Variants in STK3 observed in about 807,000 individuals in gnomAD.
STK3 encodes serine/threonine-protein kinase 3.
STK3 carries 41 observed loss-of-function variants against 58.0 expected under a neutral mutation model. The observed-to-expected ratio is 0.71, with a 90% confidence interval of 0.55 to 0.92. The LOEUF (loss-of-function observed/expected upper bound fraction) is 0.92, where lower values mean the gene tolerates loss of function less well. STK3 is among the 40% of genes least tolerant of loss of function. STK3 has a pLI of 0.00. For missense variants in STK3, 479 were observed against 602.7 expected (o/e 0.79, Z 2.15); for synonymous variants, 170 against 191.0 (o/e 0.89, Z 0.91).
At chr8:98,544,113 T>C (rs898132806) in intron 9 of STK3, among the ~76,000 whole-genome samples, 4 of 151,176 alleles carry the variant, frequency 2.6e-5, no homozygotes, top group Admixed American at 6.6e-5. Context: ...AGCAACGAAA[T>C]AATGAAATAT....
intron 8 of STK3, among the ~76,000 whole-genome samples, chr8:98,561,034 CAAAAAAGAAAAGAAAAG>C (rs903449210): frequency 1.3e-5 from 2 of 151,316 alleles, no homozygotes; most frequent in African/African-American, 4.9e-5. Context: ...ATGCCGTGTC[CAAAAAAGAAAAGAAAAG>C]GAAAAAGAAA....
chr8:98,862,673 C>T lies in STK3; in HGVS notation c.110+20974G>A, dbSNP rs557455673. Among the ~76,000 whole-genome samples the T allele has an allele frequency of 3.3e-5, 5 of 152,256 alleles. No individual in the cohort carries two copies. The South Asian group carries it at 6.2e-4, about 19-fold the overall frequency. ...CAGTCAATGCAATTTCAAGCTCATG[C>T]GATTTTAGTTCATGCAATCATTTGA... On this transcript the variant is annotated intron_variant, in intron 3 of 12. Coordinates refer to the STK3 transcript ENST00000523601.
At chr8:98,929,513 G>A (rs1382508357) in intron 1 of STK3, among the ~76,000 whole-genome samples, 1 of 152,142 alleles carries the variant, frequency 6.6e-6, no homozygotes, top group East Asian at 1.9e-4. Context: ...AGCTGAGTGT[G>A]GTGGTGCACC....
At chr8:98,446,426 G>A (rs992455667) in intron 1 of STK3, among the ~76,000 whole-genome samples, 4 of 152,160 alleles carry the variant, frequency 2.6e-5, no homozygotes, top group Non-Finnish European at 4.4e-5. Context: ...GGTACTCATG[G>A]GTGCCAGGTA....
chr8:98,469,378 G>A (rs1389109709), intron 10 of STK3, among the ~76,000 whole-genome samples: 2 of 152,128 alleles, frequency 1.3e-5, no homozygotes, highest in African/African-American at 2.4e-5. Flanking sequence ...TGCAAAATGA[G>A]TGTGTTCCCA....
chr8:98,587,673 G>A (rs1034779994), intron 7 of STK3, among the ~76,000 whole-genome samples: 2 of 152,018 alleles, frequency 1.3e-5, no homozygotes, highest in African/African-American at 4.8e-5. Context: ...CTGTCTCGTT[G>A]ATCTGTCTAA....
At chr8:98,863,589 G>T (rs1812137806) in intron 3 of STK3, among the ~76,000 whole-genome samples, 1 of 152,024 alleles carries the variant, frequency 6.6e-6, no homozygotes, top group African/African-American at 2.4e-5. Flanking sequence ...CTGTGTGGTT[G>T]ATTAAAAAAT....
At chr8:98,679,638 G>C (rs932313857) in intron 6 of STK3, among the ~76,000 whole-genome samples, 3 of 152,098 alleles carry the variant, frequency 2.0e-5, no homozygotes, top group Admixed American at 2.0e-4. Flanking sequence ...ACCTAGAATA[G>C]TCCCAAGCAC....
At chr8:98,729,681 T>C (rs1828033961) in intron 4 of STK3, among the ~76,000 whole-genome samples, 1 of 152,190 alleles carries the variant, frequency 6.6e-6, no homozygotes. Context: ...CAAATATATA[T>C]AGGGCCACTT....
At chr8:98,780,542 C>T (rs1349994497) in intron 1 of STK3, among the ~76,000 whole-genome samples, 1 of 151,970 alleles carries the variant, frequency 6.6e-6, no homozygotes, top group Non-Finnish European at 1.5e-5. Flanking sequence ...ATTTTGACTT[C>T]ACTTATAAGC....
downstream of STK3, chr8:98,879,809 A>T (rs1837726363): frequency 6.6e-6 from 1 of 152,262 alleles, no homozygotes; most frequent in African/African-American, 2.4e-5. Flanking sequence ...AAAAAAGATT[A>T]AATCAATAAC....
chr8:98,446,550 C>G (rs1331234814), intron 1 of STK3, among the ~76,000 whole-genome samples: 4 of 152,030 alleles, frequency 2.6e-5, no homozygotes, highest in Non-Finnish European at 5.9e-5. Flanking sequence ...CAAATCAAAA[C>G]CACTGAGATA....
chr8:98,799,234 T>G lies in STK3; in HGVS notation c.27-24415A>C, dbSNP rs568472498. On this transcript the variant is annotated intron_variant, in intron 1 of 10. Transcript: ENST00000419617. ...AAGCAATCATTTTTAAACATTAGTA[T>G]TACATGCAGTGCAAAAACCCAAAGT... Among the ~76,000 whole-genome samples, 17 of 152,216 alleles carry G rather than the reference T, an allele frequency of 1.1e-4. 1 individual carries two copies. The South Asian group carries it at 1.9e-3, about 17-fold the overall frequency.
At chr8:98,875,055 C>A (rs1266472584) in intron 3 of STK3, among the ~76,000 whole-genome samples, 1 of 152,152 alleles carries the variant, frequency 6.6e-6, no homozygotes, top group African/African-American at 2.4e-5. Flanking sequence ...ACATATTTTT[C>A]TGAATAAATA....
chr8:98,474,185 T>C (rs1349228637), intron 10 of STK3, among the ~76,000 whole-genome samples: 2 of 152,158 alleles, frequency 1.3e-5, no homozygotes, highest in Non-Finnish European at 1.5e-5. Flanking sequence ...TCTGCTGTCA[T>C]CTCCCCAGTC....
intron 2 of STK3, among the ~76,000 whole-genome samples, chr8:98,435,968 C>T (rs374041820): frequency 1.3e-4 from 20 of 152,172 alleles, no homozygotes; most frequent in East Asian, 1.2e-3. Context: ...TGGCTTTCCT[C>T]TCCTGTCACT....
intron 10 of STK3, among the ~76,000 whole-genome samples, chr8:98,508,273 C>T (rs1475791744): frequency 1.3e-5 from 2 of 152,092 alleles, no homozygotes; most frequent in Non-Finnish European, 2.9e-5. Flanking sequence ...TTTATGTTAA[C>T]TATTATCATA....
intron 6 of STK3, among the ~76,000 whole-genome samples, chr8:98,704,343 A>C (rs1587360187): frequency 6.6e-6 from 1 of 152,220 alleles, no homozygotes. Context: ...ACACAAGAAA[A>C]GTTAAATAAT....
chr8:98,801,485 C>A (rs779344437), intron 1 of STK3, among the ~76,000 whole-genome samples: 1 of 152,116 alleles, frequency 6.6e-6, no homozygotes, highest in Non-Finnish European at 1.5e-5. Context: ...ACACTCACCT[C>A]GAAGGTCTGC....
Sources: gnomAD v4.1 joint callset for allele counts (sites outside exome capture counted in the v4.1 genomes callset) on GRCh38, gnomAD v4.1.1 for gene constraint, MANE v1.5 for transcripts, NCBI Gene and HGNC (gene_info 2026-07-23, HGNC 2026-07-21) for gene names.